Variants in C12orf42 observed in about 807,000 individuals in gnomAD.
C12orf42 encodes the protein uncharacterized protein C12orf42.
A neutral mutation model predicts 21.6 loss-of-function variants in C12orf42; 25 were observed. The ratio of observed to expected loss-of-function variants is 1.16; its 90% CI spans 0.84 to 1.62. The LOEUF is 1.62. Among genes scored for constraint, C12orf42 ranks in the 40% most tolerant of loss-of-function variants. The pLI is 0.00. For synonymous variants in C12orf42, 174 were observed against 175.0 expected (o/e 0.99, Z 0.05); for missense variants, 483 against 459.3 (o/e 1.05, Z -0.47).
intron 3 of C12orf42, among the ~76,000 whole-genome samples, chr12:103,383,248 C>G (rs915789865): frequency 4.6e-5 from 7 of 151,854 alleles, no homozygotes; most frequent in Non-Finnish European, 1.0e-4. Flanking sequence ...ATTACAGGTG[C>G]CTGCCACCAT....
chr12:103,399,065 G>C (rs1460456510), intron 3 of C12orf42, among the ~76,000 whole-genome samples: 1 of 151,532 alleles, frequency 6.6e-6, no homozygotes, highest in African/African-American at 2.4e-5. Flanking sequence ...CTTAAATAAT[G>C]TTTTATACAT....
the C12orf42 span, chr12:103,156,177 A>G: frequency 1.3e-5 from 2 of 152,186 alleles, no homozygotes; most frequent in African/African-American, 4.8e-5. Flanking sequence ...TCTAGTGACC[A>G]GGCCACACAG....
At chr12:103,084,295 C>T in the C12orf42 span, among the ~76,000 whole-genome samples, 16 of 152,138 alleles carry the variant, frequency 1.1e-4, no homozygotes, top group African/African-American at 3.9e-4. Flanking sequence ...ATGGTTTTCC[C>T]TCCTTTAGAA....
chr12:103,442,005 T>G (rs538298495), intron 2 of C12orf42, among the ~76,000 whole-genome samples: 2 of 152,102 alleles, frequency 1.3e-5, no homozygotes, highest in Non-Finnish European at 1.5e-5. Context: ...TTAGCTAGGC[T>G]TGGTGGTGTG....
At chr12:103,122,088 A>G in the C12orf42 span, among the ~76,000 whole-genome samples, 16 of 152,226 alleles carry the variant, frequency 1.1e-4, no homozygotes, top group Non-Finnish European at 1.8e-4. Context: ...AATAGACAGC[A>G]GAGTTGGGGC....
intron 2 of C12orf42, among the ~76,000 whole-genome samples, chr12:103,453,430 C>T (rs1227866905): frequency 6.6e-6 from 1 of 151,670 alleles, no homozygotes; most frequent in East Asian, 1.9e-4. Flanking sequence ...TTTGCTTGCA[C>T]CTTCAGTCTT....
the C12orf42 span, among the ~76,000 whole-genome samples, chr12:103,086,550 G>A: frequency 6.7e-6 from 1 of 150,112 alleles, no homozygotes; most frequent in Non-Finnish European, 1.5e-5. Context: ...GTCCTGGTTG[G>A]GTAGAAAATA....
intron 10 of C12orf42, among the ~76,000 whole-genome samples, chr12:103,256,101 TATATATATATACAC>T (rs1476616157): frequency 1.4e-3 from 56 of 38,720 alleles, no homozygotes; most frequent in African/African-American, 4.4e-3. Flanking sequence ...TATATATATA[TATATATATATACAC>T]ACACACACAC....
chr12:103,123,166 G>T, the C12orf42 span, among the ~76,000 whole-genome samples: 1 of 152,138 alleles, frequency 6.6e-6, no homozygotes, highest in Admixed American at 6.5e-5. Context: ...TATCGTGGTC[G>T]GTGTGGGCTT....
the C12orf42 span, among the ~76,000 whole-genome samples, chr12:103,163,252 T>C: frequency 2.7e-4 from 41 of 152,288 alleles, 1 homozygote; most frequent in Admixed American, 2.7e-3. Flanking sequence ...ATTGGACAAA[T>C]TGGCTAAATT....
the C12orf42 span, among the ~76,000 whole-genome samples, chr12:103,123,937 C>T: frequency 6.6e-6 from 1 of 151,998 alleles, no homozygotes; most frequent in South Asian, 2.1e-4. Flanking sequence ...GACATTAAGC[C>T]ATATAACACT....
chr12:103,195,501 T>C, the C12orf42 span, among the ~76,000 whole-genome samples: 2 of 152,144 alleles, frequency 1.3e-5, no homozygotes, highest in Admixed American at 1.3e-4. Context: ...TGGTATGAGA[T>C]GCTATCTCAT....
chr12:103,268,793 T>G (rs2035297357), exon 7 of C12orf42: 1 of 152,170 alleles, frequency 6.6e-6, no homozygotes, highest in African/African-American at 2.4e-5. Flanking sequence ...TTCATAAATC[T>G]TAAGAGAAAG....
the C12orf42 span, among the ~76,000 whole-genome samples, chr12:103,536,574 G>T: frequency 6.6e-6 from 1 of 152,232 alleles, no homozygotes; most frequent in South Asian, 2.1e-4. Context: ...AGAAGGATGA[G>T]ACCATCCCTC....
At chr12:103,255,667 C>T (rs1193944274) in intron 10 of C12orf42, among the ~76,000 whole-genome samples, 1 of 152,000 alleles carries the variant, frequency 6.6e-6, no homozygotes, top group African/African-American at 2.4e-5. Context: ...TGTTAAACCA[C>T]CCATATTTTG....
chr12:103,096,629 G>C, the C12orf42 span, among the ~76,000 whole-genome samples: 1 of 152,014 alleles, frequency 6.6e-6, no homozygotes, highest in Non-Finnish European at 1.5e-5. Context: ...AAAGATTTTT[G>C]GTAGAAAGTA....
the C12orf42 span, among the ~76,000 whole-genome samples, chr12:103,193,163 T>A: frequency 0.36 from 54,091 of 151,598 alleles, 10,589 homozygotes; most frequent in South Asian, 0.45. Context: ...AGAATAAATT[T>A]AAAAAATTAG....
intron 3 of C12orf42, among the ~76,000 whole-genome samples, chr12:103,371,618 G>A (rs1431354212): frequency 2.0e-5 from 3 of 152,126 alleles, no homozygotes; most frequent in Non-Finnish European, 4.4e-5. Context: ...GAACAGCAGC[G>A]ATTCCAAGAG....
the C12orf42 span, among the ~76,000 whole-genome samples, chr12:103,068,977 A>C: frequency 7.5e-4 from 82 of 109,972 alleles, 6 homozygotes; most frequent in African/African-American, 3.0e-3. Flanking sequence ...ATATATATAT[A>C]TATATATATA....
Sources: gnomAD v4.1 joint callset for allele counts (sites outside exome capture counted in the v4.1 genomes callset) on GRCh38, gnomAD v4.1.1 for gene constraint, MANE v1.5 for transcripts, NCBI Gene and HGNC (gene_info 2026-07-23, HGNC 2026-07-21) for gene names.